Variants in UBE2G1 observed in about 807,000 individuals in gnomAD.
The protein encoded by UBE2G1 is ubiquitin conjugating enzyme E2 G1.
Under a neutral mutation model 22.7 loss-of-function variants are expected in UBE2G1, and 5 were observed. That is an observed-to-expected ratio of 0.22 (90% CI 0.12 to 0.46). The LOEUF is 0.46. Among genes scored for constraint, UBE2G1 ranks in the 20% least tolerant of loss-of-function variants. The pLI is 0.99. For synonymous variants in UBE2G1, 74 were observed against 67.5 expected (o/e 1.10, Z -0.47); for missense variants, 88 against 203.9 (o/e 0.43, Z 3.46).
intron 1 of UBE2G1, among the ~76,000 whole-genome samples, chr17:4,315,854 T>A (rs1473670654): frequency 7.9e-6 from 1 of 126,482 alleles, no homozygotes; most frequent in Non-Finnish European, 1.6e-5. Flanking sequence ...TAGCCCAGGC[T>A]GGAGTGCAGT....
intron 1 of UBE2G1, among the ~76,000 whole-genome samples, chr17:4,347,621 A>G (rs1334496899): frequency 2.0e-5 from 3 of 151,836 alleles, no homozygotes; most frequent in African/African-American, 4.8e-5. Context: ...ACTACAGGCA[A>G]ATGCCACCAT....
chr17:4,328,902 T>C (rs987175947), intron 1 of UBE2G1, among the ~76,000 whole-genome samples: 4 of 151,778 alleles, frequency 2.6e-5, no homozygotes, highest in East Asian at 1.9e-4. Flanking sequence ...CTGGCTAACA[T>C]GGTGAAACTC....
chr17:4,343,155 A>G (rs1235219694), intron 1 of UBE2G1, among the ~76,000 whole-genome samples: 2 of 152,242 alleles, frequency 1.3e-5, no homozygotes, highest in African/African-American at 4.8e-5. Context: ...CTATGTTTAC[A>G]AAAGTAGGCA....
chr17:4,344,263 G>C (rs146728403), intron 1 of UBE2G1, among the ~76,000 whole-genome samples: 13 of 152,160 alleles, frequency 8.5e-5, no homozygotes, highest in South Asian at 6.2e-4. Flanking sequence ...AAGCCCGGCC[G>C]GGCGCGGTGG....
chr17:4,340,894 TAAAA>T (rs778447316), intron 1 of UBE2G1, among the ~76,000 whole-genome samples: 2 of 111,106 alleles, frequency 1.8e-5, no homozygotes, highest in Non-Finnish European at 3.6e-5. Flanking sequence ...TTCACGTATT[TAAAA>T]AAAAAAAAAA....
chr17:4,302,594 T>A, intron 2 of UBE2G1: 1 of 397,410 alleles, frequency 2.5e-6, no homozygotes, highest in Non-Finnish European at 5.0e-6. Flanking sequence ...TGATTCTATG[T>A]GACTTTTATC....
chr17:4,283,241 C>T (rs1007380083), intron 4 of UBE2G1, among the ~76,000 whole-genome samples: 4 of 152,188 alleles, frequency 2.6e-5, no homozygotes, highest in African/African-American at 9.7e-5. Context: ...GGCCAGGGGC[C>T]GTGGCGCACG....
chr17:4,292,630 T>G (rs541836375), intron 3 of UBE2G1, among the ~76,000 whole-genome samples: 1 of 152,350 alleles, frequency 6.6e-6, no homozygotes, highest in East Asian at 1.9e-4. Context: ...GACAACACTT[T>G]GCTGGATACA....
chr17:4,320,549 T>C (rs953569061), intron 1 of UBE2G1, among the ~76,000 whole-genome samples: 1 of 152,190 alleles, frequency 6.6e-6, no homozygotes, highest in Non-Finnish European at 1.5e-5. Context: ...ATGCCCAACG[T>C]TGGGAGACAT....
At chr17:4,316,535 G>A (rs139042167) in intron 1 of UBE2G1, among the ~76,000 whole-genome samples, 7 of 152,204 alleles carry the variant, frequency 4.6e-5, no homozygotes, top group Non-Finnish European at 8.8e-5. Context: ...AAAAAGTCAA[G>A]CATAGCAATC....
At chr17:4,338,606 T>C (rs1265472449) in intron 1 of UBE2G1, among the ~76,000 whole-genome samples, 2 of 152,218 alleles carry the variant, frequency 1.3e-5, no homozygotes, top group African/African-American at 2.4e-5. Context: ...CAACTGTGTA[T>C]AGACAGCAGA....
At chr17:4,343,124 G>A (rs1969729792) in intron 1 of UBE2G1, among the ~76,000 whole-genome samples, 1 of 152,090 alleles carries the variant, frequency 6.6e-6, no homozygotes, top group Non-Finnish European at 1.5e-5. Flanking sequence ...AAACTTTCAT[G>A]TCCTGTTCTT....
chr17:4,361,984 CAT>C (rs1213578504), intron 1 of UBE2G1, among the ~76,000 whole-genome samples: 116 of 134,324 alleles, frequency 8.6e-4, no homozygotes, highest in African/African-American at 3.2e-3. Context: ...AAAAAAAAGA[CAT>C]ATTTGTCAAT....
chr17:4,363,063 G>A (rs11078498), intron 1 of UBE2G1, among the ~76,000 whole-genome samples: 51,483 of 151,916 alleles, frequency 0.34, 8,916 homozygotes, highest in Admixed American at 0.39. Context: ...AGAAGTTGTC[G>A]TCAGCCAAGA....
intron 4 of UBE2G1, among the ~76,000 whole-genome samples, chr17:4,287,153 G>T (rs1175839913): frequency 6.7e-6 from 1 of 149,906 alleles, no homozygotes; most frequent in African/African-American, 2.5e-5. Context: ...ACCCTGGCTG[G>T]AGTGCAGAGG....
At chr17:4,342,862 T>TCC (rs1969727250) in intron 1 of UBE2G1, among the ~76,000 whole-genome samples, 1 of 151,950 alleles carries the variant, frequency 6.6e-6, no homozygotes, top group Admixed American at 6.6e-5. Flanking sequence ...TCACACAGCC[T>TCC]CCCCTCCACA....
intron 5 of UBE2G1, among the ~76,000 whole-genome samples, chr17:4,279,433 G>A (rs1039604758): frequency 5.9e-5 from 9 of 152,050 alleles, no homozygotes; most frequent in Non-Finnish European, 2.9e-5. Flanking sequence ...GGGAAAGTGG[G>A]GTGAGTGAAG....
At chr17:4,275,538 AAT>A (rs1336809736) in intron 5 of UBE2G1, among the ~76,000 whole-genome samples, 1 of 151,866 alleles carries the variant, frequency 6.6e-6, no homozygotes, top group Non-Finnish European at 1.5e-5. Context: ...TCCATTTATT[AAT>A]ATTTCTAAAA....
intron 5 of UBE2G1, among the ~76,000 whole-genome samples, chr17:4,273,185 T>C (rs1968780529): frequency 6.6e-6 from 1 of 152,236 alleles, no homozygotes; most frequent in South Asian, 2.1e-4. Flanking sequence ...CATCGAGTTC[T>C]GATGTGCCAA....
Sources: gnomAD v4.1 joint callset for allele counts (sites outside exome capture counted in the v4.1 genomes callset) on GRCh38, gnomAD v4.1.1 for gene constraint, MANE v1.5 for transcripts, NCBI Gene and HGNC (gene_info 2026-07-23, HGNC 2026-07-21) for gene names.